EFHB: variants seen among roughly 807,000 people sequenced by gnomAD.
The protein encoded by EFHB is EF-hand domain-containing family member B.
EFHB carries 91 observed loss-of-function variants against 87.2 expected under a neutral mutation model. That is an observed-to-expected ratio of 1.04 (90% confidence interval 0.88 to 1.24). The LOEUF is 1.24. Among genes scored for constraint, EFHB ranks in the 50% most tolerant of loss-of-function variants. EFHB has a pLI of 0.00. For synonymous variants in EFHB, 325 were observed against 333.6 expected (o/e 0.97, Z 0.28); for missense variants, 1,084 against 998.8 (o/e 1.09, Z -1.15).
intron 1 of EFHB, chr3:19,940,496 C>T (rs748524675): frequency 5.9e-5 from 30 of 505,486 alleles, no homozygotes; most frequent in Non-Finnish European, 1.1e-4. Context: ...TTGTCTTCAT[C>T]GTGAATCTTG....
chr3:19,886,243 C>G (rs553769470), intron 10 of EFHB, among the ~76,000 whole-genome samples: 5 of 152,134 alleles, frequency 3.3e-5, no homozygotes, highest in Admixed American at 2.6e-4. Context: ...CTGATGCTTT[C>G]CTAGTGGATA....
At chr3:19,896,635 G>A (rs766119273) in intron 9 of EFHB, 52 bp downstream of exon 9, 15 of 1,612,206 alleles carry the variant, frequency 9.3e-6, no homozygotes, top group Admixed American at 1.7e-5. Context: ...ACACCAAACT[G>A]CTGGGATCTG....
intron 11 of EFHB, 76 bp from the exon 12 acceptor site, chr3:19,882,807 G>A: frequency 7.9e-7 from 1 of 1,266,548 alleles, no homozygotes; most frequent in South Asian, 2.3e-5. Flanking sequence ...AGTCACATGT[G>A]CATACTGAGC....
upstream of EFHB, among the ~76,000 whole-genome samples, chr3:19,936,924 A>G: frequency 1.3e-5 from 2 of 150,090 alleles, 1 homozygote; most frequent in Non-Finnish European, 3.0e-5. Context: ...AAAAGTGAGA[A>G]GGATATACTA....
chr3:19,936,729 A>T (rs1176013598), upstream of EFHB, among the ~76,000 whole-genome samples: 2 of 151,884 alleles, frequency 1.3e-5, no homozygotes, highest in Non-Finnish European at 2.9e-5. Flanking sequence ...TGAGCTGGAC[A>T]TGGTGGCCAG....
At chr3:19,918,486 A>T in intron 3 of EFHB, 74 bp from the exon 4 acceptor site, 1 of 1,336,246 alleles carries the variant, frequency 7.5e-7, no homozygotes, top group South Asian at 1.6e-5. Flanking sequence ...CCTAATCAAT[A>T]GCTGGGGAGA....
chr3:19,933,381 C>T lies in EFHB; in HGVS notation c.638G>A (p.Gly213Asp), dbSNP rs759424736. The T allele has an allele frequency of 6.2e-7, 1 of 1,614,000 alleles. No individual in the cohort carries two copies. Among genetic ancestry groups the T allele is most frequent in the Non-Finnish European group, 8.5e-7 (1 of 1,179,906 alleles). ...DETKNTEPQM[G>D]LVIEPPQCQF... ...GCATTGGGGAGGTTCTATCACCAAG[C>T]CCATTTGGGGCTCTGTATTCTTAGT... is the stretch of plus-strand genomic sequence containing the variant. Residue 213 changes from glycine (G) to aspartate (D), a missense_variant, in exon 1 of 13, where the codon GGC becomes GAC. Coordinates refer to ENST00000295824, the MANE Select transcript of EFHB (RefSeq NM_144715.4).
chr3:19,936,134 C>A, upstream of EFHB: 1 of 1,495,234 alleles, frequency 6.7e-7, no homozygotes, highest in South Asian at 1.3e-5. Flanking sequence ...TGGACATAGT[C>A]ACTCACCTGT....
In EFHB at chr3:19,933,399, T is replaced by A. The variant is rs78863115; in HGVS notation, c.620A>T (p.Asn207Ile). ...TQAEGPDETK[N>I]TEPQMGLVIE... ...CACCAAGCCCATTTGGGGCTCTGTA[T>A]TCTTAGTCTCATCTGGCCCCTCGGC... Residue 207 changes from asparagine (N) to isoleucine (I), a missense_variant, in exon 1 of 13, where the codon AAT becomes ATT. By Grantham distance (149) the Asn-to-Ile change is moderately radical. Coordinates refer to ENST00000295824, the MANE Select transcript of EFHB (RefSeq NM_144715.4). 1.5e-4 allele frequency: 241 copies of A among 1,614,034 alleles called. No individual in the cohort carries two copies. The East Asian group carries it at 5.3e-3, about 36-fold the overall frequency.
chr3:19,916,493 C>T (rs1183883724), intron 4 of EFHB, among the ~76,000 whole-genome samples: 3 of 151,384 alleles, frequency 2.0e-5, no homozygotes, highest in African/African-American at 7.3e-5. Flanking sequence ...CCAGCCTGGG[C>T]AACAGAGTGA....
At position 19,898,756 on chromosome 3, in the gene EFHB, C is replaced by T. The variant is rs369883284; in HGVS notation, c.1570+22G>A. The T allele has an allele frequency of 3.5e-5, 57 of 1,610,424 alleles. 1 individual carries two copies. The highest frequency in any genetic ancestry group is 5.3e-5 in the African/African-American group (4 of 74,816). On this transcript the variant is annotated intron_variant, in intron 8 of 12. Coordinates refer to ENST00000295824, the MANE Select transcript of EFHB (RefSeq NM_144715.4). ...GTTGCTGTTTGTTTGGGGTTTTTTA[C>T]GGAGAAAGTGTGTATATTTACCATA... is the stretch of plus-strand genomic sequence containing the variant.
chr3:19,943,134 C>A, intron 1 of EFHB: 1 of 245,514 alleles, frequency 4.1e-6, no homozygotes. Flanking sequence ...TCATGGGGTT[C>A]ATTGCAACTT....
At chr3:19,928,570 G>A (rs2929356) in intron 1 of EFHB, among the ~76,000 whole-genome samples, 98,124 of 151,890 alleles carry the variant, frequency 0.65, 32,243 homozygotes, top group African/African-American at 0.73. Context: ...TCAGCCTCCA[G>A]AGTAGCTGGG....
At chr3:19,938,934 TCTCA>T (rs753857428), upstream of EFHB, among the ~76,000 whole-genome samples, 19 of 152,068 alleles carry the variant, frequency 1.2e-4, no homozygotes, top group Non-Finnish European at 2.5e-4. Flanking sequence ...TGAGAAGGAG[TCTCA>T]CTCTGTCACC....
chr3:19,904,134 G>A (rs2125134543), intron 6 of EFHB, among the ~76,000 whole-genome samples: 1 of 152,186 alleles, frequency 6.6e-6, no homozygotes, highest in African/African-American at 2.4e-5. Flanking sequence ...AAACCTAGAG[G>A]GCCATTGTCT....
At chr3:19,914,140 T>G (rs1443883643) in intron 5 of EFHB, among the ~76,000 whole-genome samples, 1 of 152,104 alleles carries the variant, frequency 6.6e-6, no homozygotes, top group Admixed American at 6.6e-5. Flanking sequence ...TAGATAGAGA[T>G]TCTCACTATG....
At chr3:19,888,912 A>T (rs1464192697) in intron 9 of EFHB, among the ~76,000 whole-genome samples, 1 of 152,210 alleles carries the variant, frequency 6.6e-6, no homozygotes, top group Non-Finnish European at 1.5e-5. Context: ...AAAGTTTTTA[A>T]TACCTTCTGT....
At chr3:19,892,383 G>A (rs1028997406) in intron 9 of EFHB, among the ~76,000 whole-genome samples, 3 of 152,190 alleles carry the variant, frequency 2.0e-5, no homozygotes, top group African/African-American at 2.4e-5. Context: ...CAATGCAGCT[G>A]TCCCCAGAAA....
chr3:19,901,651 C>A (rs1218183399), intron 6 of EFHB, among the ~76,000 whole-genome samples: 1 of 152,076 alleles, frequency 6.6e-6, no homozygotes, highest in Non-Finnish European at 1.5e-5. Flanking sequence ...AGTTAACAAT[C>A]TAAAAATCAG....
Sources: gnomAD v4.1 joint callset for allele counts (sites outside exome capture counted in the v4.1 genomes callset) on GRCh38, gnomAD v4.1.1 for gene constraint, MANE v1.5 for transcripts, NCBI Gene and HGNC (gene_info 2026-07-23, HGNC 2026-07-21) for gene names.